The following SIPA1L1 variants were observed in gnomAD, a reference collection of about 807,000 sequenced individuals.
The protein encoded by SIPA1L1 is signal-induced proliferation-associated 1-like protein 1.
A neutral mutation model predicts 162.7 loss-of-function variants in SIPA1L1; 26 were observed. The ratio of observed to expected loss-of-function variants is 0.16; its 90% CI spans 0.12 to 0.22. SIPA1L1 has a LOEUF of 0.22. Ranked by LOEUF, SIPA1L1 falls within the 10% of genes least tolerant of loss-of-function variation. SIPA1L1 has a pLI of 1.00. For missense variants in SIPA1L1, 1,874 were observed against 2,241.0 expected, an observed-to-expected ratio of 0.84 and a Z score of 3.31; for synonymous variants, 829 against 837.4, an observed-to-expected ratio of 0.99 and a Z score of 0.17.
intron 2 of SIPA1L1, among the ~76,000 whole-genome samples, chr14:71,332,499 A>G (rs1220841384): frequency 6.6e-6 from 1 of 152,158 alleles, no homozygotes; most frequent in Non-Finnish European, 1.5e-5. Flanking sequence ...GTTTCCAAGG[A>G]GATATATCTT....
intron 7 of SIPA1L1, among the ~76,000 whole-genome samples, chr14:71,626,453 T>C (rs1212103679): frequency 1.3e-5 from 2 of 152,210 alleles, no homozygotes; most frequent in Non-Finnish European, 2.9e-5. Flanking sequence ...GCAGACGACA[T>C]GCATACTTAG....
At chr14:71,525,815 A>G (rs998337550) in intron 3 of SIPA1L1, among the ~76,000 whole-genome samples, 3 of 152,178 alleles carry the variant, frequency 2.0e-5, no homozygotes, top group Admixed American at 6.5e-5. Context: ...TGTGTTTCTA[A>G]GCTGTTTGTG....
In SIPA1L1 at chr14:71,550,263, T is replaced by C. The variant is rs527604556; in HGVS notation, c.-303+20893T>C. 3.3e-5 allele frequency among the ~76,000 whole-genome samples: 5 copies of C among 152,214 alleles called. No homozygotes were observed. In the South Asian group the frequency reaches 1.0e-3, roughly 32 times the overall value. On this transcript the variant is annotated intron_variant, in intron 4 of 23. Transcript: ENST00000381232. Reference sequence around the variant, plus strand: ...AGACACTGTCTCAAAAACAGAAATTTTTTTTTAAGTTTAAAAAAGCCAAAG... The same window carrying C: ...AGACACTGTCTCAAAAACAGAAATTCTTTTTTAAGTTTAAAAAAGCCAAAG...
At chr14:71,327,049 A>G (rs1006167291) in intron 2 of SIPA1L1, among the ~76,000 whole-genome samples, 10 of 146,828 alleles carry the variant, frequency 6.8e-5, no homozygotes, top group Non-Finnish European at 1.4e-4. Context: ...CTTTCCTTTA[A>G]TAGTCTCTAG....
chr14:71,428,569 G>A (rs2140898480), intron 2 of SIPA1L1, among the ~76,000 whole-genome samples: 1 of 152,126 alleles, frequency 6.6e-6, no homozygotes, highest in South Asian at 2.1e-4. Flanking sequence ...AGTCTTTAAT[G>A]TCTGGCCCTT....
chr14:71,702,720 G>A (rs2082177390), intron 15 of SIPA1L1, among the ~76,000 whole-genome samples: 1 of 152,042 alleles, frequency 6.6e-6, no homozygotes, highest in Non-Finnish European at 1.5e-5. Flanking sequence ...AACTGGAAAG[G>A]CGATAGGAAT....
At chr14:71,681,198 GC>G (rs1041479226) in intron 12 of SIPA1L1, among the ~76,000 whole-genome samples, 18 of 152,236 alleles carry the variant, frequency 1.2e-4, no homozygotes, top group Middle Eastern at 3.4e-3. Context: ...GAGTGAGCAG[GC>G]CCCTTATGCA....
In SIPA1L1 at chr14:71,588,660, A is replaced by T. The variant is rs762476352; in HGVS notation, c.788A>T (p.Asp263Val). The T allele has an allele frequency of 2.5e-6, 4 of 1,614,044 alleles. No individual in the cohort carries two copies. The highest frequency in any genetic ancestry group is 3.4e-6 in the Non-Finnish European group (4 of 1,179,960). Residue 263 changes from aspartate (D) to valine (V), a missense_variant, in exon 5 of 24, where the codon GAC becomes GTC. Asp to Val is a radical substitution (Grantham distance 152). Around this residue, in one of 5 missense-constraint regions of SIPA1L1, gnomAD observed 685 missense variants for 828.0 expected, o/e 0.83. Transcript: ENST00000381232. This position sits in a 1 kb window ranked among gnomAD's most constrained non-coding sequence, Gnocchi z 4.3. The part of the protein sequence containing the change: ...KGSGFSLDVI[D>V]GPISQRENLR... ...TCTGGTTTCTCTTTGGATGTAATAG[A>T]CGGGCCTATCTCACAGAGAGAGAAC...
At chr14:71,735,615 A>G in intron 22 of SIPA1L1, 1 of 469,068 alleles carries the variant, frequency 2.1e-6, no homozygotes, top group Non-Finnish European at 3.8e-6. Flanking sequence ...AATATTCATT[A>G]TTATTTAATG....
At chr14:71,559,104 A>G (rs2056586299) in intron 4 of SIPA1L1, among the ~76,000 whole-genome samples, 1 of 139,048 alleles carries the variant, frequency 7.2e-6, no homozygotes. Context: ...TCACACTCTT[A>G]TCTCCCAGGC....
intron 5 of SIPA1L1, among the ~76,000 whole-genome samples, chr14:71,603,640 T>C (rs1485379790): frequency 2.0e-5 from 3 of 151,988 alleles, no homozygotes; most frequent in Admixed American, 1.3e-4. Context: ...AAAAGAAATA[T>C]AGCCGGGCAT....
intron 2 of SIPA1L1, among the ~76,000 whole-genome samples, chr14:71,327,373 C>T (rs1034259880): frequency 9.8e-5 from 15 of 152,288 alleles, no homozygotes; most frequent in Admixed American, 5.9e-4. Context: ...CATGAGCACC[C>T]GGCCTGAACC....
intron 2 of SIPA1L1, among the ~76,000 whole-genome samples, chr14:71,438,015 T>G: frequency 6.6e-6 from 1 of 152,216 alleles, no homozygotes; most frequent in East Asian, 1.9e-4. Flanking sequence ...GTACCTTCTG[T>G]CACCCTTGTT....
chr14:71,431,079 G>A (rs1371402062), intron 2 of SIPA1L1, among the ~76,000 whole-genome samples: 1 of 152,190 alleles, frequency 6.6e-6, no homozygotes, highest in Non-Finnish European at 1.5e-5. Context: ...GAAAGGGACA[G>A]TTTCAGTTGA....
intron 15 of SIPA1L1, 150 bp from the exon 16 acceptor site, chr14:71,705,072 T>C: frequency 1.5e-6 from 1 of 662,738 alleles, no homozygotes; most frequent in Admixed American, 2.6e-5. Context: ...ACCTGCTGTC[T>C]ATCAAATAGA....
chr14:71,398,665 A>G (rs1325348328), intron 2 of SIPA1L1, among the ~76,000 whole-genome samples: 1 of 152,232 alleles, frequency 6.6e-6, no homozygotes, highest in Non-Finnish European at 1.5e-5. Context: ...GAAATGATGT[A>G]GAAGTAGGCA....
intron 2 of SIPA1L1, among the ~76,000 whole-genome samples, chr14:71,388,052 CACAT>C (rs1331618211): frequency 6.6e-6 from 1 of 152,206 alleles, no homozygotes; most frequent in Non-Finnish European, 1.5e-5. Context: ...CAGTGCACAG[CACAT>C]ACTTCATACA....
chr14:71,614,355 G>GT (rs1240377839), intron 5 of SIPA1L1, among the ~76,000 whole-genome samples: 1 of 152,090 alleles, frequency 6.6e-6, no homozygotes. Context: ...TATGGAAAGA[G>GT]TTTTTTCTAT....
intron 2 of SIPA1L1, among the ~76,000 whole-genome samples, chr14:71,334,884 A>G (rs780305028): frequency 3.3e-5 from 5 of 152,120 alleles, no homozygotes; most frequent in South Asian, 2.1e-4. Flanking sequence ...TCAGTCTTGT[A>G]TTTTTATCAG....
Sources: allele counts gnomAD v4.1 joint callset (sites outside exome capture counted in the v4.1 genomes callset), GRCh38; gene constraint gnomAD v4.1.1; regional missense constraint gnomAD v4.1.1; non-coding constraint Gnocchi (gnomAD v3.1); transcripts MANE v1.5; gene names NCBI Gene and HGNC (gene_info 2026-07-23, HGNC 2026-07-21).